PHKA2: variants seen among roughly 807,000 people sequenced by gnomAD.
PHKA2 encodes phosphorylase kinase regulatory subunit alpha 2.
In PHKA2, 31 loss-of-function variants were observed where a neutral mutation model predicts 102.0. The observed-to-expected ratio is 0.30, with a 90% CI of 0.23 to 0.41. The LOEUF is 0.41. Among genes scored for constraint, PHKA2 ranks in the 10% least tolerant of loss-of-function variants. The pLI is 1.00. For synonymous variants in PHKA2, 455 were observed against 416.2 expected (o/e 1.09, Z -1.13); for missense variants, 858 against 1,023.1 (o/e 0.84, Z 2.20).
chrX:18,906,701 G>A (rs1247641516), intron 24 of PHKA2, 35 bp downstream of exon 24: 1 of 1,190,819 alleles, frequency 8.4e-7, no homozygotes, highest in East Asian at 3.0e-5. Flanking sequence ...TCTGAGGAAG[G>A]CTGTGGCCCG....
chrX:18,931,302 C>T (rs771117382), intron 12 of PHKA2, among the ~76,000 whole-genome samples: 18 of 111,581 alleles, frequency 1.6e-4, no homozygotes, highest in African/African-American at 5.9e-4. Flanking sequence ...TTTCCCAAAT[C>T]TTGTATCTTC....
At chrX:18,979,190 C>T (rs773678956) in intron 1 of PHKA2, among the ~76,000 whole-genome samples, 1 of 111,890 alleles carries the variant, frequency 8.9e-6, no homozygotes, top group East Asian at 2.8e-4. Flanking sequence ...CAGTCTCTTC[C>T]TATTCTTCTG....
chrX:18,910,818 A>T (rs2047908663), intron 20 of PHKA2, 54 bp downstream of exon 20: 1 of 714,833 alleles, frequency 1.4e-6, no homozygotes, highest in Non-Finnish European at 2.2e-6. Context: ...TTGGGGACTC[A>T]TCCTGCATTG....
intron 28 of PHKA2, among the ~76,000 whole-genome samples, chrX:18,900,367 C>G (rs1475907559): frequency 9.0e-6 from 1 of 111,654 alleles, no homozygotes; most frequent in Admixed American, 9.5e-5. Context: ...ATTTCCCCCC[C>G]ATTTAGTTTT....
chrX:18,948,894 A>T, intron 4 of PHKA2, 68 bp from the exon 5 acceptor site: 2 of 710,577 alleles, frequency 2.8e-6, no homozygotes, highest in Non-Finnish European at 4.5e-6. Flanking sequence ...AATTACAAAT[A>T]TCACACTAGG....
At position 18,901,600 on chromosome X, in the gene PHKA2, C is replaced by T. The variant is rs376405603; in HGVS notation, c.2912G>A (p.Arg971His). 3.4e-5 allele frequency: 40 copies of T among 1,162,388 alleles called. No individual in the cohort carries two copies. The South Asian group carries it at 3.8e-4, about 11-fold the overall frequency. ...GCTGGATGTGGAGGAGTGGATAGGG[C>T]GCACTGGGTGGGAAACACACACACG... ...GKEFGVERSVRPIHSSTSSPT... is the reference protein window; with the variant it reads ...GKEFGVERSVHPIHSSTSSPT... Residue 971 changes from arginine (R) to histidine (H), a missense_variant, in exon 27 of 33, where the codon CGC becomes CAC. By Grantham distance (29) the Arg-to-His change is conservative. Around this residue, in one of 2 missense-constraint regions of PHKA2, gnomAD observed 671 missense variants for 745.2 expected, o/e 0.90. Coordinates refer to ENST00000379942, the MANE Select transcript of PHKA2 (RefSeq NM_000292.3).
chrX:18,974,919 C>T (rs778505476), intron 1 of PHKA2, among the ~76,000 whole-genome samples: 9 of 111,140 alleles, frequency 8.1e-5, no homozygotes, highest in Non-Finnish European at 1.3e-4. Context: ...GGCAGTACCT[C>T]CCCCTCATAA....
rs1250760538 is a variant in PHKA2, at chrX:18,918,195, A to G, written c.2137+486T>C. On this transcript the variant is annotated intron_variant, in intron 19 of 32. Coordinates refer to ENST00000379942, the MANE Select transcript of PHKA2 (RefSeq NM_000292.3). ...ATTTGTATTGCGAGGCCACTGGAAG[A>G]TGTAGAAAGAAAGCAAAGCAAATGA... Among the ~76,000 whole-genome samples, 4 of 112,195 alleles carry G rather than the reference A, an allele frequency of 3.6e-5. No homozygotes were observed. In the South Asian group the frequency reaches 1.5e-3, roughly 41 times the overall value.
chrX:18,907,456 A>G (rs1327778919), intron 22 of PHKA2, among the ~76,000 whole-genome samples: 4 of 112,203 alleles, frequency 3.6e-5, no homozygotes, highest in Non-Finnish European at 7.5e-5. Flanking sequence ...ACCATATTCA[A>G]TTCCTAAGTT....
At chrX:18,894,589 T>A in intron 31 of PHKA2, 185 bp from the exon 32 acceptor site, 1 of 482,568 alleles carries the variant, frequency 2.1e-6, no homozygotes, top group South Asian at 2.9e-5. Flanking sequence ...GGCTGGAGTA[T>A]GCCTCCAGGA....
intron 7 of PHKA2, among the ~76,000 whole-genome samples, chrX:18,942,246 C>T (rs1174117179): frequency 9.0e-6 from 1 of 111,674 alleles, no homozygotes; most frequent in Admixed American, 9.5e-5. Context: ...AATATGGCCT[C>T]AATTATAAAT....
chrX:18,959,255 CTCTG>C (rs768812839), intron 1 of PHKA2, among the ~76,000 whole-genome samples: 8 of 112,100 alleles, frequency 7.1e-5, no homozygotes, highest in Admixed American at 3.8e-4. Flanking sequence ...GCTTTTTGGA[CTCTG>C]TCTGGCACAC....
chrX:18,932,471 T>G (rs1209018752), intron 11 of PHKA2, among the ~76,000 whole-genome samples: 1 of 110,532 alleles, frequency 9.0e-6, no homozygotes, highest in African/African-American at 3.3e-5. Context: ...CCAAAGGAAA[T>G]AGGAAACATC....
At chrX:18,963,259 G>A (rs1037909620) in intron 1 of PHKA2, among the ~76,000 whole-genome samples, 1 of 112,497 alleles carries the variant, frequency 8.9e-6, no homozygotes, top group Admixed American at 9.4e-5. Flanking sequence ...TCTGGGCACG[G>A]TTGAGAGATG....
intron 1 of PHKA2, among the ~76,000 whole-genome samples, chrX:18,973,729 G>A (rs914629818): frequency 8.9e-6 from 1 of 112,086 alleles, no homozygotes; most frequent in Non-Finnish European, 1.9e-5. Flanking sequence ...TGTACTCACT[G>A]GGCAAAATGC....
chrX:18,981,066 CT>C lies in PHKA2; in HGVS notation c.78+2788del, dbSNP rs772664464. 4.2e-4 allele frequency among the ~76,000 whole-genome samples: 45 copies of C among 107,616 alleles called. 1 individual carries two copies. Among genetic ancestry groups the C allele is most frequent in the African/African-American group, 1.4e-3 (41 of 29,796 alleles). The allele number at this position is 107,616 out of a possible 115,157, so 93.5% of individuals were successfully genotyped here. ...TTAGAAACCGTTCGTGCAGCTCATT[CT>C]TTTTTTTTTAATTGTGGTAAAATAT... On this transcript the variant is annotated intron_variant, in intron 1 of 32. Transcript: ENST00000379942.
intron 1 of PHKA2, among the ~76,000 whole-genome samples, chrX:18,967,999 A>C (rs1422203243): frequency 1.8e-5 from 2 of 111,741 alleles, no homozygotes; most frequent in African/African-American, 6.5e-5. Flanking sequence ...TTGGAAATTA[A>C]AACTGAAAAA....
chrX:18,966,214 A>G lies in PHKA2; in HGVS notation c.79-11802T>C, dbSNP rs773160599. Among the ~76,000 whole-genome samples the G allele has an allele frequency of 2.8e-5, 3 of 107,704 alleles. No homozygotes were observed. The South Asian group carries it at 1.3e-3, about 45-fold the overall frequency. 93.5% of individuals were successfully genotyped at this position (107,704 alleles called of 115,157 possible). A position where few individuals can be genotyped will look rare whatever the true frequency, so the allele number is the denominator to read the frequency against. On this transcript the variant is annotated intron_variant, in intron 1 of 32. Transcript: ENST00000379942. ...GCAATGCTCCTGCCTCAGCCTCCAG[A>G]GTAGCTGGGATTACAGGTGTGCGAC...
At position 18,906,790 on chromosome X, in the gene PHKA2, T is replaced by C. The variant is rs1249240827; in HGVS notation, c.2622A>G (p.Thr874=). ...ISAPLPPEEL[T]KLIYEASGQD... ...GCCCACTGGCCTCGTAGATGAGTTT[T>C]GTGAGCTCCTCTGGGGGAAGGGGCC... Residue 874 remains threonine, a synonymous_variant, in exon 24 of 33, where the codon ACA becomes ACG. Coordinates refer to ENST00000379942, the MANE Select transcript of PHKA2 (RefSeq NM_000292.3). 3.3e-6 allele frequency: 4 copies of C among 1,209,067 alleles called. No individual in the cohort carries two copies. Among genetic ancestry groups the C allele is most frequent in the Non-Finnish European group, 4.5e-6 (4 of 893,905 alleles).
Sources: gnomAD v4.1 joint callset for allele counts (sites outside exome capture counted in the v4.1 genomes callset) on GRCh38, gnomAD v4.1.1 for gene constraint, gnomAD v4.1.1 regional missense constraint, MANE v1.5 for transcripts, NCBI Gene and HGNC (gene_info 2026-07-23, HGNC 2026-07-21) for gene names.